RHOBTB1: variants seen among roughly 807,000 people sequenced by gnomAD.
RHOBTB1 encodes the protein Rho related BTB domain containing 1.
In RHOBTB1, 40 loss-of-function variants were observed where a neutral mutation model predicts 71.6. The ratio of observed to expected loss-of-function variants is 0.56; its 90% CI spans 0.43 to 0.73. RHOBTB1 has a LOEUF of 0.73. Among genes scored for constraint, RHOBTB1 ranks in the 30% least tolerant of loss-of-function variants. The pLI is 0.00. For missense variants in RHOBTB1, 797 were observed against 894.0 expected (o/e 0.89, Z 1.38); for synonymous variants, 319 against 334.9 (o/e 0.95, Z 0.52).
chr10:60,878,549 T>C (rs1399866790), intron 7 of RHOBTB1, among the ~76,000 whole-genome samples: 1 of 152,246 alleles, frequency 6.6e-6, no homozygotes, highest in African/African-American at 2.4e-5. Flanking sequence ...TGTCAGTATA[T>C]GCACAATATA....
intron 4 of RHOBTB1, among the ~76,000 whole-genome samples, chr10:60,908,910 G>T (rs2082820200): frequency 6.6e-6 from 1 of 152,178 alleles, no homozygotes; most frequent in South Asian, 2.1e-4. Context: ...TGTTCCTGAA[G>T]CCCCTCAATG....
intron 4 of RHOBTB1, among the ~76,000 whole-genome samples, chr10:60,900,749 T>A (rs2082377159): frequency 6.6e-6 from 1 of 152,226 alleles, no homozygotes; most frequent in African/African-American, 2.4e-5. Flanking sequence ...GAGAATCACT[T>A]GGAACTTCAA....
chr10:60,938,105 C>T (rs188272899), intron 2 of RHOBTB1, among the ~76,000 whole-genome samples: 123 of 152,250 alleles, frequency 8.1e-4, no homozygotes, highest in African/African-American at 2.9e-3. Context: ...GTAACAAAGA[C>T]AGCTTAGAAG....
chr10:60,945,426 T>C (rs1275393308), upstream of RHOBTB1, among the ~76,000 whole-genome samples: 1 of 152,164 alleles, frequency 6.6e-6, no homozygotes, highest in Non-Finnish European at 1.5e-5. Context: ...AGAGAGTCCA[T>C]CCTATTATAA....
intron 2 of RHOBTB1, among the ~76,000 whole-genome samples, chr10:60,969,923 A>T (rs1318988842): frequency 6.6e-6 from 1 of 152,144 alleles, no homozygotes; most frequent in Non-Finnish European, 1.5e-5. Flanking sequence ...ACCTGAGAGA[A>T]GACTATAGGA....
chr10:60,971,380 A>T (rs2086151632), intron 2 of RHOBTB1, among the ~76,000 whole-genome samples: 1 of 152,126 alleles, frequency 6.6e-6, no homozygotes, highest in South Asian at 2.1e-4. Context: ...GAGGCCTCAG[A>T]AATAATGCCA....
chr10:60,913,991 G>T (rs555677305), intron 2 of RHOBTB1, among the ~76,000 whole-genome samples: 2 of 152,094 alleles, frequency 1.3e-5, no homozygotes, highest in African/African-American at 2.4e-5. Context: ...TGCTGAAGAC[G>T]AATGTCTTCA....
chr10:60,999,643 T>C (rs572690085), intron 1 of RHOBTB1, among the ~76,000 whole-genome samples: 22 of 152,368 alleles, frequency 1.4e-4, no homozygotes, highest in African/African-American at 5.3e-4. Context: ...TTTTCTTCAT[T>C]GTCTGTGAAC....
chr10:60,997,064 T>TATAC (rs1165075368), intron 1 of RHOBTB1, among the ~76,000 whole-genome samples: 1 of 144,838 alleles, frequency 6.9e-6, no homozygotes, highest in African/African-American at 2.5e-5. Flanking sequence ...CATGGTTATG[T>TATAC]ACACACACAC....
chr10:60,978,516 TG>T (rs1405461725), intron 2 of RHOBTB1, among the ~76,000 whole-genome samples: 2 of 152,146 alleles, frequency 1.3e-5, no homozygotes, highest in African/African-American at 4.8e-5. Context: ...AGAGTGGGTA[TG>T]TTGGGTCTCT....
intron 2 of RHOBTB1, among the ~76,000 whole-genome samples, chr10:60,966,143 T>C (rs1057230460): frequency 1.3e-5 from 2 of 152,068 alleles, no homozygotes; most frequent in African/African-American, 4.8e-5. Flanking sequence ...CTTGAAAAGA[T>C]TGAGATGTTT....
chr10:60,911,362 C>T lies in RHOBTB1; in HGVS notation c.181G>A (p.Val61Met), dbSNP rs1022728014. ...TCTGTGCATCTTACCTCCTGGCACA[C>T]GCGGTACTGGTCAATCGCCCACACT... ...PTVWAIDQYR[V>M]CQEVLERSRD... Residue 61 changes from valine to methionine, a missense_variant, in exon 3 of 11, where the codon GTG becomes ATG. Transcript: ENST00000337910. The T allele has an allele frequency of 1.9e-5, 31 of 1,612,334 alleles. No homozygotes were observed. The highest frequency in any genetic ancestry group is 1.6e-4 in the Middle Eastern group (1 of 6,082).
intron 4 of RHOBTB1, among the ~76,000 whole-genome samples, chr10:60,899,300 G>A (rs561417958): frequency 1.4e-3 from 217 of 152,310 alleles, no homozygotes; most frequent in African/African-American, 5.0e-3. Flanking sequence ...AACAGACGAA[G>A]GTGAAATTGT....
chr10:60,897,970 C>T (rs1486275797), intron 4 of RHOBTB1, among the ~76,000 whole-genome samples: 1 of 152,136 alleles, frequency 6.6e-6, no homozygotes, highest in Non-Finnish European at 1.5e-5. Context: ...TTGCAAAGAG[C>T]TGGGATTACA....
At chr10:60,926,530 T>A (rs1185007221) in intron 2 of RHOBTB1, among the ~76,000 whole-genome samples, 2 of 152,126 alleles carry the variant, frequency 1.3e-5, no homozygotes, top group Non-Finnish European at 2.9e-5. Context: ...AGATTATTCA[T>A]CATGATCAAG....
chr10:60,947,137 A>C (rs1223180238), upstream of RHOBTB1, among the ~76,000 whole-genome samples: 1 of 152,222 alleles, frequency 6.6e-6, no homozygotes, highest in South Asian at 2.1e-4. Context: ...AAAAGGAATC[A>C]TATCAAATAA....
chr10:60,954,770 G>C (rs1206039835), intron 2 of RHOBTB1, among the ~76,000 whole-genome samples: 2 of 151,930 alleles, frequency 1.3e-5, no homozygotes, highest in African/African-American at 4.8e-5. Context: ...GAGATAAGTT[G>C]GTCAAGTAAC....
At chr10:60,944,458 C>A (rs1014681319), upstream of RHOBTB1, among the ~76,000 whole-genome samples, 9 of 152,206 alleles carry the variant, frequency 5.9e-5, no homozygotes, top group African/African-American at 2.2e-4. Context: ...CCGACGGGCC[C>A]GGGCACGGAG....
At chr10:60,984,311 T>A (rs2086593972) in intron 2 of RHOBTB1, among the ~76,000 whole-genome samples, 1 of 152,098 alleles carries the variant, frequency 6.6e-6, no homozygotes, top group Non-Finnish European at 1.5e-5. Context: ...AATAGGAAAA[T>A]TTAAACTAAA....
Sources: gnomAD v4.1 joint callset for allele counts (sites outside exome capture counted in the v4.1 genomes callset) on GRCh38, gnomAD v4.1.1 for gene constraint, MANE v1.5 for transcripts, NCBI Gene and HGNC (gene_info 2026-07-23, HGNC 2026-07-21) for gene names.